LENG9: variants seen among roughly 807,000 people sequenced by gnomAD.
LENG9 encodes leukocyte receptor cluster member 9.
For synonymous variants in LENG9, 410 were observed against 303.9 expected (o/e 1.35, Z -3.63); for missense variants, 872 against 652.7 (o/e 1.34, Z -3.66).
Position 54,463,654 on chromosome 19 carries a change from G to T in LENG9, c.-128C>A. The T allele has an allele frequency of 7.4e-6, 9 of 1,210,678 alleles. No individual in the cohort carries two copies. The highest frequency in any genetic ancestry group is 3.4e-5 in the East Asian group (1 of 29,698). The allele number at this position is 1,210,678 out of a possible 1,614,324, so 75.0% of individuals were successfully genotyped here. On this transcript the variant is annotated 5_prime_UTR_variant, in exon 1 of 1. Transcript: ENST00000611161. Reference sequence around the variant, plus strand: ...GCCCGCGCTCCGGCCTAGCTCTGGGGACCACGCCGCGTGCCCTCGCGAGGA... The same window carrying T: ...GCCCGCGCTCCGGCCTAGCTCTGGGTACCACGCCGCGTGCCCTCGCGAGGA...
chr19:54,463,769 C>A lies in LENG9; in HGVS notation c.-243G>T. The A allele has an allele frequency of 2.2e-6, 1 of 444,934 alleles. No homozygotes were observed. Among genetic ancestry groups the A allele is most frequent in the Non-Finnish European group, 3.7e-6 (1 of 273,092 alleles). 27.6% of individuals were successfully genotyped at this position (444,934 alleles called of 1,614,324 possible). A position where few individuals can be genotyped will look rare whatever the true frequency, so the allele number is the denominator to read the frequency against. On this transcript the variant is annotated 5_prime_UTR_variant, in exon 1 of 1. Transcript: ENST00000611161. Reference sequence around the variant, plus strand: ...CCTCCCCCAGCGCCAGGAAAGCAAGCTGCGTAAAGGCTGCGGCAGTCTCGG... The same window carrying A: ...CCTCCCCCAGCGCCAGGAAAGCAAGATGCGTAAAGGCTGCGGCAGTCTCGG...
In LENG9 at chr19:54,463,208, C is replaced by A. The variant is rs564770593; in HGVS notation, c.319G>T (p.Asp107Tyr). The A allele has an allele frequency of 5.8e-6, 9 of 1,556,782 alleles. 1 individual carries two copies. The South Asian group carries it at 1.0e-4, about 18-fold the overall frequency. Residue 107 changes from aspartate to tyrosine, a missense_variant, in exon 1 of 1, where the codon GAC becomes TAC. Physicochemically the swap from Asp to Tyr is radical, Grantham distance 160. Transcript: ENST00000611161. ...REEPFSAFCW[D>Y]QPLAALGPGV... ...GGCCCGAGCGCCGCCAGCGGCTGGT[C>A]CCAGCAAAAGGCGCTGAAGGGCTCC...
chr19:54,462,679 T>C lies in LENG9; in HGVS notation c.848A>G (p.Lys283Arg). The change falls in exon 1 of 1, where the codon AAA (lysine) becomes AGA (arginine). Residue 283 changes from lysine (K) to arginine (R), a missense_variant. Physicochemically the swap from Lys to Arg is conservative, Grantham distance 26. Coordinates refer to ENST00000611161, the MANE Select transcript of LENG9 (RefSeq NM_001301782.2). ...GGCTGCAACACTAAGGCGGGCCCTT[T>C]TGTCCTCGGGCCAGGCCGCAGGACC... The part of the protein sequence containing the change: ...EWGPAAWPED[K>R]RARLSVAAPC... 6.2e-7 allele frequency: 1 copy of C among 1,611,836 alleles called. No individual in the cohort carries two copies. Among genetic ancestry groups the C allele is most frequent in the Non-Finnish European group, 8.5e-7 (1 of 1,179,986 alleles).
chr19:54,462,389 G>A lies in LENG9; in HGVS notation c.1138C>T (p.Leu380=), dbSNP rs772004094. The A allele has an allele frequency of 3.7e-6, 6 of 1,612,706 alleles. No individual in the cohort carries two copies. In the Admixed American group the frequency reaches 6.7e-5, roughly 18 times the overall value. The part of the protein sequence containing the change: ...NAPPRLSFRK[L]VLLGPHVLCA... ...AGCACATGCGGGCCCAGGAGGACCA[G>A]CTTTCTAAAGCTCAGCCGAGGGGGT... Residue 380 remains leucine (L), a synonymous_variant, in exon 1 of 1, where the codon CTG becomes TTG. Transcript: ENST00000611161.
Position 54,462,504 on chromosome 19 carries a change from G to A in LENG9, c.1023C>T (p.Thr341=). The A allele has an allele frequency of 1.2e-6, 2 of 1,613,542 alleles. No homozygotes were observed. The highest frequency in any genetic ancestry group is 1.7e-6 in the Non-Finnish European group (2 of 1,180,030). Residue 341 remains threonine (T), a synonymous_variant, in exon 1 of 1, where the codon ACC becomes ACT. Transcript: ENST00000611161. ...FLVPSQNLHL[T]LALLRLAGAG... ...CGCCTGCCAGTCGCAGCAGGGCCAG[G>A]GTCAGGTGTAGGTTCTGAGAGGGCA...
rs529771684 is a variant in LENG9 at position 54,463,692 on chromosome 19, C to G, written c.-166G>C. On this transcript the variant is annotated 5_prime_UTR_variant, in exon 1 of 1. Transcript: ENST00000611161. ...GCCCTCGCGAGGACTCTGGCCCAGT[C>G]CCTCCTTGGTGGAGAGCCTGACACC... The G allele has an allele frequency of 2.6e-5, 25 of 947,350 alleles. 1 individual carries two copies. In the African/African-American group the frequency reaches 3.3e-4, roughly 12 times the overall value. 58.7% of individuals were successfully genotyped at this position (947,350 alleles called of 1,614,324 possible). A position where few individuals can be genotyped will look rare whatever the true frequency, so the allele number is the denominator to read the frequency against.
At position 54,462,543 on chromosome 19, in the gene LENG9, G is replaced by C. The variant is rs1348445610; in HGVS notation, c.984C>G (p.Cys328Trp). 1.2e-6 allele frequency: 2 copies of C among 1,613,680 alleles called. No homozygotes were observed. Among genetic ancestry groups the C allele is most frequent in the African/African-American group, 2.7e-5 (2 of 75,056 alleles). ...QEYLVHVAPH[C>W]ANFLVPSQNL... ...TCTGAGAGGGCACTAGGAAGTTGGC[G>C]CAGTGTGGGGCCACGTGGACCAGGT... Residue 328 changes from cysteine to tryptophan, a missense_variant, in exon 1 of 1, where the codon TGC (cysteine) becomes TGG (tryptophan). Transcript: ENST00000611161.
rs772498910 is a variant in LENG9 at position 54,462,498 on chromosome 19, G to C, written c.1029C>G (p.Ala343=). ...CCCCAGCGCCTGCCAGTCGCAGCAG[G>C]GCCAGGGTCAGGTGTAGGTTCTGAG... The part of the protein sequence containing the change: ...VPSQNLHLTL[A]LLRLAGAGEE... Residue 343 remains alanine, a synonymous_variant, in exon 1 of 1, where the codon GCC becomes GCG. Coordinates refer to ENST00000611161, the MANE Select transcript of LENG9 (RefSeq NM_001301782.2). 1 of 1,613,392 alleles carries C rather than the reference G, an allele frequency of 6.2e-7. No individual in the cohort carries two copies. The highest frequency in any genetic ancestry group is 1.3e-5 in the African/African-American group (1 of 74,924).
In LENG9 at chr19:54,461,807, C is replaced by T. The variant is rs1255495867; in HGVS notation, c.*283G>A. 9.8e-6 allele frequency: 5 copies of T among 509,682 alleles called. No individual in the cohort carries two copies. The East Asian group carries it at 1.6e-4, about 17-fold the overall frequency. 31.6% of individuals were successfully genotyped at this position (509,682 alleles called of 1,614,324 possible). On this transcript the variant is annotated 3_prime_UTR_variant, in exon 1 of 1. Transcript: ENST00000611161. Reference sequence around the variant, plus strand: ...TCCTCTCCCTTTTCTTTTTGGCCCTCCCTCCCTCCCTCTTCTGCCATGTAA... The same window carrying T: ...TCCTCTCCCTTTTCTTTTTGGCCCTTCCTCCCTCCCTCTTCTGCCATGTAA...
At position 54,463,678 on chromosome 19, in the gene LENG9, G is replaced by T; in HGVS notation, c.-152C>A. The T allele has an allele frequency of 9.3e-7, 1 of 1,073,576 alleles. No individual in the cohort carries two copies. Among genetic ancestry groups the T allele is most frequent in the Non-Finnish European group, 1.2e-6 (1 of 833,160 alleles). The allele number at this position is 1,073,576 out of a possible 1,614,324, so 66.5% of individuals were successfully genotyped here. On this transcript the variant is annotated 5_prime_UTR_variant, in exon 1 of 1. Transcript: ENST00000611161. ...GGACCACGCCGCGTGCCCTCGCGAGGACTCTGGCCCAGTCCCTCCTTGGTG... is the reference window on the plus strand; with the variant it reads ...GGACCACGCCGCGTGCCCTCGCGAGTACTCTGGCCCAGTCCCTCCTTGGTG...
At position 54,463,247 on chromosome 19, in the gene LENG9, G is replaced by A. The variant is rs2084659159; in HGVS notation, c.280C>T (p.Leu94=). The change falls in exon 1 of 1, where the codon CTG becomes TTG. Residue 94 remains leucine (L), a synonymous_variant. Transcript: ENST00000611161. ...DFSVGYVDRF[L]GVREEPFSAF... is the part of the protein sequence containing the mutation. ...CTGAAGGGCTCCTCGCGCACACCCAGAAAGCGGTCGACGTAGCCCACCGAG... is the reference window on the plus strand; with the variant it reads ...CTGAAGGGCTCCTCGCGCACACCCAAAAAGCGGTCGACGTAGCCCACCGAG... 2 of 1,544,678 alleles carry A rather than the reference G, an allele frequency of 1.3e-6. No homozygotes were observed. The highest frequency in any genetic ancestry group is 3.9e-5 in the Admixed American group (2 of 51,758).
In LENG9 at chr19:54,462,824, C is replaced by T. The variant is rs2123262673; in HGVS notation, c.703G>A (p.Ala235Thr). 4.3e-6 allele frequency: 7 copies of T among 1,612,412 alleles called. No individual in the cohort carries two copies. The Middle Eastern group carries it at 4.9e-4, about 114-fold the overall frequency. ...GGCTTCAGTGCCTCAGTCACTCCGG[C>T]GAGGCGTCCTCTTGGGGCCAGTGTT... ...LGTLAPRGRL[A>T]GVTEALKPTA... Residue 235 changes from alanine (A) to threonine (T), a missense_variant, in exon 1 of 1, where the codon GCC becomes ACC. Ala to Thr is a moderately conservative substitution (Grantham distance 58, BLOSUM62 0). Transcript: ENST00000611161.
Position 54,462,575 on chromosome 19 carries a change from G to C in LENG9, c.952C>G (p.Gln318Glu), listed in dbSNP as rs1324193479. 6.2e-7 allele frequency: 1 copy of C among 1,613,824 alleles called. No individual in the cohort carries two copies. The highest frequency in any genetic ancestry group is 8.5e-7 in the Non-Finnish European group (1 of 1,180,028). ...PGLQAEVTKA[Q>E]EYLVHVAPHC... ...GGGGCCACGTGGACCAGGTATTCCT[G>C]GGCCTTGGTCACTTCTGCTTGTAGC... is the stretch of plus-strand genomic sequence containing the variant. The change falls in exon 1 of 1, where the codon CAG becomes GAG. Residue 318 changes from glutamine to glutamate, a missense_variant. Gln to Glu is a conservative substitution (Grantham distance 29). Transcript: ENST00000611161.
At position 54,462,502 on chromosome 19, in the gene LENG9, A is replaced by AG; in HGVS notation, c.1024dup (p.Leu342ProfsTer37). Reference sequence around the variant, plus strand: ...AGCGCCTGCCAGTCGCAGCAGGGCCAGGGTCAGGTGTAGGTTCTGAGAGGG... The same window carrying AG: ...AGCGCCTGCCAGTCGCAGCAGGGCCAGGGGTCAGGTGTAGGTTCTGAGAGGG... On this transcript the variant is annotated frameshift_variant, in exon 1 of 1. Transcript: ENST00000611161. LOFTEE classifies it low-confidence loss of function (END_TRUNC). The AG allele has an allele frequency of 6.2e-7, 1 of 1,613,496 alleles. No homozygotes were observed. Among genetic ancestry groups the AG allele is most frequent in the Non-Finnish European group, 8.5e-7 (1 of 1,180,020 alleles).
rs1795066682 is a variant in LENG9 at position 54,462,213 on chromosome 19, G to A, written c.1314C>T (p.Leu438=). 1.2e-6 allele frequency: 2 copies of A among 1,613,676 alleles called. No individual in the cohort carries two copies. The highest frequency in any genetic ancestry group is 1.1e-5 in the South Asian group (1 of 91,026). Residue 438 remains leucine, a synonymous_variant, in exon 1 of 1, where the codon CTC becomes CTT. Coordinates refer to ENST00000611161, the MANE Select transcript of LENG9 (RefSeq NM_001301782.2). ...AKVPHGSQVH[L]PKLEFTLSQE... ...GGCTGAGGGTGAACTCCAGCTTGGG[G>A]AGGTGGACCTGGGAACCATGGGGCA...
Position 54,463,252 on chromosome 19 carries a change from C to T in LENG9, c.275G>A (p.Arg92His), listed in dbSNP as rs774219385. ...PADFSVGYVD[R>H]FLGVREEPFS... ...GGGCTCCTCGCGCACACCCAGAAAG[C>T]GGTCGACGTAGCCCACCGAGAAGTC... The change falls in exon 1 of 1, where the codon CGC becomes CAC. Residue 92 changes from arginine (R) to histidine (H), a missense_variant. Arg to His is a conservative substitution (Grantham distance 29). Coordinates refer to ENST00000611161, the MANE Select transcript of LENG9 (RefSeq NM_001301782.2). 4 of 1,536,318 alleles carry T rather than the reference C, an allele frequency of 2.6e-6. No homozygotes were observed. Among genetic ancestry groups the T allele is most frequent in the East Asian group, 4.9e-5 (2 of 41,204 alleles).
rs775375782 is a variant in LENG9 at position 54,462,226 on chromosome 19, G to A, written c.1301C>T (p.Ser434Phe). 2 of 1,613,476 alleles carry A rather than the reference G, an allele frequency of 1.2e-6. No individual in the cohort carries two copies. Among genetic ancestry groups the A allele is most frequent in the Admixed American group, 3.3e-5 (2 of 59,960 alleles). ...HLTVAKVPHG[S>F]QVHLPKLEFT... is the part of the protein sequence containing the mutation. ...CTCCAGCTTGGGGAGGTGGACCTGGGAACCATGGGGCACCTTGGCCACGGT... is the reference window on the plus strand; with the variant it reads ...CTCCAGCTTGGGGAGGTGGACCTGGAAACCATGGGGCACCTTGGCCACGGT... Residue 434 changes from serine (S) to phenylalanine (F), a missense_variant, in exon 1 of 1, where the codon TCC becomes TTC. Physicochemically the swap from Ser to Phe is radical, Grantham distance 155. Coordinates refer to ENST00000611161, the MANE Select transcript of LENG9 (RefSeq NM_001301782.2).
At position 54,462,271 on chromosome 19, in the gene LENG9, C is replaced by T. The variant is rs114196206; in HGVS notation, c.1256G>A (p.Gly419Glu). 3,167 of 1,608,508 alleles carry T rather than the reference C, an allele frequency of 2.0e-3. 52 individuals carry two copies. In the African/African-American group the frequency reaches 0.036, roughly 18 times the overall value. The change falls in exon 1 of 1, where the codon GGG becomes GAG. Residue 419 changes from glycine (G) to glutamate (E), a missense_variant. Gly to Glu is a moderately conservative substitution (Grantham distance 98, BLOSUM62 -2). Transcript: ENST00000611161. ...CACGGTGAGGTGGGGGTGCAGCTGC[C>T]CTGGAGACTGTAGTGTACTCAGCCC... The part of the protein sequence containing the change: ...AEGLSTLQSP[G>E]QLHPHLTVAK...
Position 54,462,827 on chromosome 19 carries a change from G to C in LENG9, c.700C>G (p.Leu234Val), listed in dbSNP as rs1366526060. The change falls in exon 1 of 1, where the codon CTC (leucine) becomes GTC (valine). Residue 234 changes from leucine to valine, a missense_variant. By Grantham distance (32) the Leu-to-Val change is conservative. Transcript: ENST00000611161. ...TTCAGTGCCTCAGTCACTCCGGCGA[G>C]GCGTCCTCTTGGGGCCAGTGTTCCC... is the stretch of plus-strand genomic sequence containing the variant. ...DLGTLAPRGR[L>V]AGVTEALKPT... is the part of the protein sequence containing the mutation. The C allele has an allele frequency of 6.8e-6, 11 of 1,612,266 alleles. No homozygotes were observed. The highest frequency in any genetic ancestry group is 9.3e-6 in the Non-Finnish European group (11 of 1,179,894).
Sources: gnomAD v4.1 joint callset for allele counts on GRCh38, gnomAD v4.1.1 for gene constraint, MANE v1.5 for transcripts, NCBI Gene and HGNC (gene_info 2026-07-23, HGNC 2026-07-21) for gene names.